CNTNAP2: variants seen among roughly 807,000 people sequenced by gnomAD.
The protein encoded by CNTNAP2 is contactin-associated protein-like 2.
A neutral mutation model predicts 155.2 loss-of-function variants in CNTNAP2; 98 were observed. That is an observed-to-expected ratio of 0.63 (90% CI 0.54 to 0.75). The LOEUF is 0.75. Among genes scored for constraint, CNTNAP2 ranks in the 30% least tolerant of loss-of-function variants. The probability of loss-of-function intolerance (pLI) is 0.00; values close to 1 mark genes in which losing one functional copy is unlikely to be tolerated. For missense variants in CNTNAP2, 1,727 were observed against 1,688.1 expected, an observed-to-expected ratio of 1.02 and a Z score of -0.40; for synonymous variants, 651 against 631.2, an observed-to-expected ratio of 1.03 and a Z score of -0.47.
intron 1 of CNTNAP2, among the ~76,000 whole-genome samples, chr7:146,185,987 G>A (rs1340916369): frequency 6.6e-6 from 1 of 151,910 alleles, no homozygotes; most frequent in South Asian, 2.1e-4. Context: ...GTATCATACC[G>A]AGAGAGGTGT....
intron 13 of CNTNAP2, among the ~76,000 whole-genome samples, chr7:147,891,329 C>G (rs1355401460): frequency 2.0e-5 from 3 of 151,990 alleles, no homozygotes; most frequent in African/African-American, 7.2e-5. Flanking sequence ...CGCGGCCTCC[C>G]GAGTAGCTGG....
rs1012157278 is a variant in CNTNAP2 at position 148,417,657 on chromosome 7, A to G, written c.*2041A>G. On this transcript the variant is annotated 3_prime_UTR_variant, in exon 24 of 24. Transcript: ENST00000361727. Reference sequence around the variant, plus strand: ...AGTTACTTTATGTATTGTTGAAAGCAAATTTTAAACATGATGTTTTAGAAG... The same window carrying G: ...AGTTACTTTATGTATTGTTGAAAGCGAATTTTAAACATGATGTTTTAGAAG... The G allele has an allele frequency of 6.6e-6, 1 of 152,266 alleles. No homozygotes were observed. The highest frequency in any genetic ancestry group is 2.4e-5 in the African/African-American group (1 of 41,472). The allele number at this position is 152,266 out of a possible 1,614,324, so 9.4% of individuals were successfully genotyped here. A position where few individuals can be genotyped will look rare whatever the true frequency, so the allele number is the denominator to read the frequency against.
intron 10 of CNTNAP2, among the ~76,000 whole-genome samples, chr7:147,432,203 G>T (rs1039269662): frequency 8.5e-5 from 13 of 152,076 alleles, no homozygotes; most frequent in Non-Finnish European, 1.6e-4. Flanking sequence ...TGCTGTGGGG[G>T]TCTCTGTGCA....
chr7:146,642,324 A>G (rs759372821), intron 1 of CNTNAP2, among the ~76,000 whole-genome samples: 2 of 109,040 alleles, frequency 1.8e-5, no homozygotes, highest in African/African-American at 7.1e-5. Context: ...CCACCCCACA[A>G]CAGTCCACAG....
chr7:147,276,345 T>A (rs746059959), intron 8 of CNTNAP2, among the ~76,000 whole-genome samples: 4 of 152,002 alleles, frequency 2.6e-5, no homozygotes, highest in Non-Finnish European at 5.9e-5. Flanking sequence ...AGATTTTTTG[T>A]TACTGATTTA....
At chr7:146,653,501 T>C (rs756731284) in intron 1 of CNTNAP2, among the ~76,000 whole-genome samples, 3 of 152,172 alleles carry the variant, frequency 2.0e-5, no homozygotes, top group African/African-American at 7.2e-5. Context: ...TTGTATTGAC[T>C]CTTACCAATA....
intron 13 of CNTNAP2, among the ~76,000 whole-genome samples, chr7:147,824,470 G>T: frequency 6.6e-6 from 1 of 152,076 alleles, no homozygotes; most frequent in Non-Finnish European, 1.5e-5. Flanking sequence ...TTTCCCCATA[G>T]TTAACAGCCC....
At chr7:147,968,390 C>G (rs35253747) in intron 14 of CNTNAP2, among the ~76,000 whole-genome samples, 19,566 of 152,044 alleles carry the variant, frequency 0.13, 1,958 homozygotes, top group African/African-American at 0.29. Context: ...ATCTCATTGT[C>G]ATGGTTGTTT....
At chr7:148,388,377 G>C (rs1219661856) in intron 22 of CNTNAP2, among the ~76,000 whole-genome samples, 1 of 142,620 alleles carries the variant, frequency 7.0e-6, no homozygotes, top group Non-Finnish European at 1.5e-5. Flanking sequence ...TCCCACCTAT[G>C]AGTGAGAACA....
chr7:147,805,348 T>C (rs1798073419), intron 13 of CNTNAP2, among the ~76,000 whole-genome samples: 1 of 152,210 alleles, frequency 6.6e-6, no homozygotes, highest in South Asian at 2.1e-4. Context: ...ATTTTCTAAA[T>C]ATAAGATTAT....
At chr7:146,767,471 T>A (rs755211398) in intron 1 of CNTNAP2, among the ~76,000 whole-genome samples, 1 of 152,138 alleles carries the variant, frequency 6.6e-6, no homozygotes, top group Non-Finnish European at 1.5e-5. Context: ...TGAAGAGTAA[T>A]AATAGCAATG....
At chr7:146,413,777 A>AG (rs140502315) in intron 1 of CNTNAP2, among the ~76,000 whole-genome samples, 1 of 152,138 alleles carries the variant, frequency 6.6e-6, no homozygotes, top group African/African-American at 2.4e-5. Context: ...GGCAGAGAGA[A>AG]GGGGGACTTT....
intron 1 of CNTNAP2, among the ~76,000 whole-genome samples, chr7:146,244,193 A>G (rs946667051): frequency 2.6e-5 from 4 of 152,234 alleles, no homozygotes; most frequent in Non-Finnish European, 5.9e-5. Flanking sequence ...GAGGTTCAGC[A>G]TAGTCCTGCC....
At chr7:146,309,653 T>C (rs1800784165) in intron 1 of CNTNAP2, among the ~76,000 whole-genome samples, 1 of 151,664 alleles carries the variant, frequency 6.6e-6, no homozygotes, top group African/African-American at 2.4e-5. Context: ...AATACAAAAA[T>C]TAATCGGGCG....
intron 1 of CNTNAP2, among the ~76,000 whole-genome samples, chr7:146,705,054 T>A (rs1800939921): frequency 6.6e-6 from 1 of 152,140 alleles, no homozygotes; most frequent in Admixed American, 6.6e-5. Context: ...ACTACCTGTT[T>A]GGGAGGCACC....
chr7:147,106,616 A>G (rs749676936), intron 4 of CNTNAP2, among the ~76,000 whole-genome samples: 1 of 152,134 alleles, frequency 6.6e-6, no homozygotes, highest in African/African-American at 2.4e-5. Flanking sequence ...CATTGTACAA[A>G]CTTATTTAAA....
At chr7:146,623,242 T>A (rs1415365341) in intron 1 of CNTNAP2, among the ~76,000 whole-genome samples, 1 of 152,216 alleles carries the variant, frequency 6.6e-6, no homozygotes, top group Non-Finnish European at 1.5e-5. Context: ...ATTATTTTTT[T>A]CACATTCTGC....
rs76675334 is a variant in CNTNAP2, at chr7:147,507,771, T to C, written c.1777+21730T>C. On this transcript the variant is annotated intron_variant, in intron 11 of 23. Transcript: ENST00000361727. ...AGTTTCACCATGTTAGCCAGGATGGTTGATCTCCTGACCTCGTGATCGGCC... is the reference window on the plus strand; with the variant it reads ...AGTTTCACCATGTTAGCCAGGATGGCTGATCTCCTGACCTCGTGATCGGCC... Among the ~76,000 whole-genome samples, 771 of 152,024 alleles carry C rather than the reference T, an allele frequency of 5.1e-3. 8 individuals are homozygous for C. Among genetic ancestry groups the C allele is most frequent in the African/African-American group, 0.018 (741 of 41,454 alleles).
At chr7:148,279,042 G>A (rs1585237372) in intron 21 of CNTNAP2, among the ~76,000 whole-genome samples, 3 of 152,198 alleles carry the variant, frequency 2.0e-5, no homozygotes, top group Admixed American at 2.0e-4. Flanking sequence ...GGAGACAGAT[G>A]AAGTCAGAGG....
Sources: gnomAD v4.1 joint callset for allele counts (sites outside exome capture counted in the v4.1 genomes callset) on GRCh38, gnomAD v4.1.1 for gene constraint, MANE v1.5 for transcripts, NCBI Gene and HGNC (gene_info 2026-07-23, HGNC 2026-07-21) for gene names.